USP34: variants seen among roughly 807,000 people sequenced by gnomAD.
The protein encoded by USP34 is ubiquitin specific peptidase 34, also known as ubiquitin carboxyl-terminal hydrolase 34.
A neutral mutation model predicts 460.3 loss-of-function variants in USP34; 70 were observed. The ratio of observed to expected loss-of-function variants is 0.15; its 90% CI spans 0.13 to 0.19. The LOEUF is 0.19. USP34 is among the 10% of genes least tolerant of loss of function. The pLI, the probability that USP34 is intolerant of heterozygous loss-of-function variation, is 1.00. For synonymous variants in USP34, 1,647 were observed against 1,405.3 expected (o/e 1.17, Z -3.85); for missense variants, 3,985 against 4,236.2 (o/e 0.94, Z 1.65).
At chr2:61,371,557 C>T (rs1378232688) in intron 8 of USP34, among the ~76,000 whole-genome samples, 1 of 151,006 alleles carries the variant, frequency 6.6e-6, no homozygotes, top group Admixed American at 6.6e-5. Flanking sequence ...AGAGTCAAAA[C>T]GTTAAAAAAT....
chr2:61,282,257 G>C (rs1689556741), intron 37 of USP34, among the ~76,000 whole-genome samples: 1 of 152,096 alleles, frequency 6.6e-6, no homozygotes, highest in Non-Finnish European at 1.5e-5. Context: ...TGTGATTACA[G>C]GCGTGAGCCA....
At chr2:61,260,042 T>C (rs1436674194) in intron 43 of USP34, among the ~76,000 whole-genome samples, 4 of 152,244 alleles carry the variant, frequency 2.6e-5, no homozygotes, top group Non-Finnish European at 5.9e-5. Context: ...ACTTATTTGG[T>C]ACAATGCTGA....
chr2:61,246,208 AT>A, intron 50 of USP34, 115 bp downstream of exon 50: 1 of 756,188 alleles, frequency 1.3e-6, no homozygotes, highest in Non-Finnish European at 1.9e-6. Context: ...TCATTTAAAA[AT>A]TTTGTCTGCC....
chr2:61,254,787 G>T (rs551581732), intron 48 of USP34, among the ~76,000 whole-genome samples: 6 of 152,124 alleles, frequency 3.9e-5, no homozygotes, highest in South Asian at 4.1e-4. Context: ...AATCATCAAA[G>T]AATAATAATA....
At chr2:61,326,795 T>C (rs2103717012) in intron 20 of USP34, among the ~76,000 whole-genome samples, 1 of 150,072 alleles carries the variant, frequency 6.7e-6, no homozygotes, top group South Asian at 2.2e-4. Flanking sequence ...TTTTTTTTTT[T>C]TTTTTGCCGA....
intron 1 of USP34, among the ~76,000 whole-genome samples, chr2:61,458,730 C>T (rs1018153818): frequency 2.6e-5 from 4 of 151,858 alleles, no homozygotes; most frequent in Non-Finnish European, 5.9e-5. Context: ...TCCTCTCATT[C>T]CCAGCAACTA....
chr2:61,206,008 G>A lies in USP34; in HGVS notation c.9154+9C>T. ...GTTTTTACACGGGTGAATTTTTCAA[G>A]TAACTTACCTATACAGGCATTTCTA... On this transcript the variant is annotated intron_variant, in intron 72 of 79. Transcript: ENST00000398571. The A allele has an allele frequency of 1.3e-6, 2 of 1,598,726 alleles. No individual in the cohort carries two copies. Among genetic ancestry groups the A allele is most frequent in the Non-Finnish European group, 1.7e-6 (2 of 1,168,038 alleles).
At position 61,295,043 on chromosome 2, in the gene USP34, G is replaced by C. The variant is rs756070959; in HGVS notation, c.4378-11C>G. On this transcript the variant is annotated splice_polypyrimidine_tract_variant and intron_variant, in intron 31 of 79. Coordinates refer to ENST00000398571, the MANE Select transcript of USP34 (RefSeq NM_014709.4). ...ATCACTGTAACTTCCCTATGAGAAA[G>C]GCAAAAAAAGTAAGGCAGAATGGCG... The C allele has an allele frequency of 6.2e-7, 1 of 1,604,726 alleles. No homozygotes were observed. Among genetic ancestry groups the C allele is most frequent in the Non-Finnish European group, 8.5e-7 (1 of 1,177,052 alleles).
intron 55 of USP34, 37 bp downstream of exon 55, chr2:61,236,124 T>C (rs1191386660): frequency 6.9e-6 from 11 of 1,593,638 alleles, no homozygotes; most frequent in Non-Finnish European, 7.7e-6. Flanking sequence ...AAGTAGTAAA[T>C]TTTGACAGAA....
chr2:61,380,466 C>A (rs1572985310), intron 6 of USP34, 105 bp from the exon 7 acceptor site: 2 of 1,182,694 alleles, frequency 1.7e-6, no homozygotes, highest in Non-Finnish European at 2.3e-6. Flanking sequence ...TTTTTTGTGT[C>A]CAAAACCCAC....
intron 48 of USP34, 104 bp downstream of exon 48, chr2:61,256,280 A>T (rs1688722908): frequency 9.8e-7 from 1 of 1,020,700 alleles, no homozygotes; most frequent in Non-Finnish European, 1.5e-6. Flanking sequence ...AGCTGATTTT[A>T]CCTTCATCAT....
chr2:61,296,668 T>G, intron 30 of USP34, 132 bp downstream of exon 30: 1 of 889,570 alleles, frequency 1.1e-6, no homozygotes, highest in Non-Finnish European at 1.6e-6. Context: ...AGTGGCACTT[T>G]TTACCTACTA....
chr2:61,208,054 C>T (rs146111034), intron 70 of USP34: 14 of 152,432 alleles, frequency 9.2e-5, no homozygotes, highest in Non-Finnish European at 1.2e-4. Flanking sequence ...GCATAAACAG[C>T]TGATTTTAAC....
intron 29 of USP34, among the ~76,000 whole-genome samples, chr2:61,299,290 A>G (rs1690145772): frequency 6.6e-6 from 1 of 152,204 alleles, no homozygotes; most frequent in South Asian, 2.1e-4. Flanking sequence ...AAAACTATCA[A>G]AATACCACCA....
intron 10 of USP34, among the ~76,000 whole-genome samples, chr2:61,360,857 A>G (rs992703937): frequency 2.0e-5 from 3 of 152,196 alleles, no homozygotes; most frequent in African/African-American, 7.2e-5. Context: ...GGGTTTCAGC[A>G]TGTTGCTCAG....
intron 18 of USP34, among the ~76,000 whole-genome samples, chr2:61,337,708 G>A (rs1237672032): frequency 6.6e-6 from 1 of 152,036 alleles, no homozygotes; most frequent in African/African-American, 2.4e-5. Flanking sequence ...CACCTACCTT[G>A]GCCTCCCAAA....
chr2:61,282,762 C>A (rs1689571254), intron 37 of USP34, among the ~76,000 whole-genome samples: 1 of 151,876 alleles, frequency 6.6e-6, no homozygotes, highest in Non-Finnish European at 1.5e-5. Flanking sequence ...TACACTCTAG[C>A]CTGGGTGATA....
At chr2:61,432,604 C>A (rs953270151) in intron 1 of USP34, among the ~76,000 whole-genome samples, 6 of 152,086 alleles carry the variant, frequency 3.9e-5, no homozygotes, top group Admixed American at 6.6e-5. Context: ...CACAGCAAGA[C>A]CCCATCTTTA....
intron 78 of USP34, 38 bp from the exon 79 acceptor site, chr2:61,189,107 G>GC (rs754452993): frequency 6.3e-7 from 1 of 1,591,904 alleles, no homozygotes; most frequent in Non-Finnish European, 8.5e-7. Flanking sequence ...AAATTCTAAA[G>GC]CCAACACTTT....
Sources: gnomAD v4.1 joint callset for allele counts (sites outside exome capture counted in the v4.1 genomes callset) on GRCh38, gnomAD v4.1.1 for gene constraint, MANE v1.5 for transcripts, NCBI Gene and HGNC (gene_info 2026-07-23, HGNC 2026-07-21) for gene names.